ZCWPW2: variants seen among roughly 807,000 people sequenced by gnomAD.
ZCWPW2 encodes the protein zinc finger CW-type PWWP domain protein 2.
ZCWPW2 carries 45 observed loss-of-function variants against 46.6 expected under a neutral mutation model. That is an observed-to-expected ratio of 0.96 (90% CI 0.76 to 1.24). The LOEUF (loss-of-function observed/expected upper bound fraction) is 1.24, where lower values mean the gene tolerates loss of function less well. Among genes scored for constraint, ZCWPW2 ranks in the 50% most tolerant of loss-of-function variants. The pLI, the probability that ZCWPW2 is intolerant of heterozygous loss-of-function variation, is 0.00. For synonymous variants in ZCWPW2, 152 were observed against 137.1 expected, an observed-to-expected ratio of 1.11 and a Z score of -0.76; for missense variants, 429 against 403.9, an observed-to-expected ratio of 1.06 and a Z score of -0.53.
intron 1 of ZCWPW2, among the ~76,000 whole-genome samples, chr3:28,376,883 A>G (rs1385411338): frequency 6.6e-6 from 1 of 152,132 alleles, no homozygotes; most frequent in East Asian, 1.9e-4. Context: ...CTGTAATCTT[A>G]AACAGAACTG....
chr3:28,492,085 A>G (rs765542391), intron 5 of ZCWPW2, 42 bp from the exon 6 acceptor site: 5 of 1,593,696 alleles, frequency 3.1e-6, no homozygotes, highest in South Asian at 2.3e-5. Context: ...GAACAGGAAC[A>G]TAGGCACTTT....
intron 4 of ZCWPW2, among the ~76,000 whole-genome samples, chr3:28,445,562 T>C (rs1390544047): frequency 6.6e-6 from 1 of 151,718 alleles, no homozygotes; most frequent in African/African-American, 2.4e-5. Flanking sequence ...CACAAGGAAA[T>C]GAGAGAGGAA....
At position 28,493,138 on chromosome 3, in the gene ZCWPW2, AT is replaced by A. The variant is rs1173597960; in HGVS notation, c.657+973del. ...GTTTATCTTTATTTTTTTTTATTTT[AT>A]TTTTTTTAATGTTTTTTTTTTTATT... On this transcript the variant is annotated intron_variant, in intron 6 of 9. Coordinates refer to ENST00000383768, the MANE Select transcript of ZCWPW2 (RefSeq NM_001040432.4). Among the ~76,000 whole-genome samples, 117 of 56,636 alleles carry A rather than the reference AT, an allele frequency of 2.1e-3. 1 individual carries two copies. In the Middle Eastern group the frequency reaches 0.038, roughly 18 times the overall value. The allele number at this position is 56,636 out of a possible 152,430, so 37.2% of individuals were successfully genotyped here. A position where few individuals can be genotyped will look rare whatever the true frequency, so the allele number is the denominator to read the frequency against.
chr3:28,488,316 CT>C (rs1204153456), intron 5 of ZCWPW2, among the ~76,000 whole-genome samples: 2 of 152,138 alleles, frequency 1.3e-5, no homozygotes, highest in African/African-American at 4.8e-5. Flanking sequence ...TCAGTTTGCC[CT>C]GTGACCCCAC....
intron 6 of ZCWPW2, among the ~76,000 whole-genome samples, chr3:28,494,957 T>C (rs1322585081): frequency 4.0e-5 from 6 of 151,608 alleles, no homozygotes; most frequent in Non-Finnish European, 8.8e-5. Flanking sequence ...GAACATTCCA[T>C]GCTCATGGGT....
At chr3:28,456,237 T>C (rs1300205093) in intron 4 of ZCWPW2, among the ~76,000 whole-genome samples, 4 of 152,186 alleles carry the variant, frequency 2.6e-5, no homozygotes, top group African/African-American at 9.7e-5. Flanking sequence ...TTTATTCTTT[T>C]TATGGCAATT....
At chr3:28,468,697 C>G (rs1161149120) in intron 4 of ZCWPW2, among the ~76,000 whole-genome samples, 1 of 151,970 alleles carries the variant, frequency 6.6e-6, no homozygotes, top group Admixed American at 6.6e-5. Flanking sequence ...AAACTTTTAC[C>G]CTAGAATAGC....
At position 28,369,454 on chromosome 3, in the gene ZCWPW2, G is replaced by A. The variant is rs190384664; in HGVS notation, c.-134+20251G>A. Among the ~76,000 whole-genome samples the A allele has an allele frequency of 5.5e-3, 844 of 152,284 alleles. 3 individuals are homozygous for A. Among genetic ancestry groups the A allele is most frequent in the Non-Finnish European group, 8.6e-3 (588 of 68,014 alleles). ...CCTTTTTACCTGGGTATCAGCAGCG[G>A]AGGCTGCAGAACAGCAGATATTGGT... is the stretch of plus-strand genomic sequence containing the variant. On this transcript the variant is annotated intron_variant, in intron 1 of 9. Coordinates refer to ENST00000383768, the MANE Select transcript of ZCWPW2 (RefSeq NM_001040432.4).
At chr3:28,520,291 T>A (rs1294839809) in intron 8 of ZCWPW2, among the ~76,000 whole-genome samples, 3 of 152,092 alleles carry the variant, frequency 2.0e-5, no homozygotes, top group African/African-American at 7.2e-5. Context: ...CGTAAGCATG[T>A]CACAGTGACA....
intron 1 of ZCWPW2, among the ~76,000 whole-genome samples, chr3:28,350,186 C>G (rs559104462): frequency 6.6e-6 from 1 of 152,136 alleles, no homozygotes; most frequent in East Asian, 1.9e-4. Context: ...TTAAAACAAC[C>G]ATTAGGTGTA....
At chr3:28,511,602 T>C (rs1700427115) in intron 6 of ZCWPW2, among the ~76,000 whole-genome samples, 1 of 152,166 alleles carries the variant, frequency 6.6e-6, no homozygotes. Context: ...GGTTTAACAA[T>C]GTAAACCTAA....
At chr3:28,456,624 T>C (rs981690849) in intron 4 of ZCWPW2, among the ~76,000 whole-genome samples, 1 of 152,186 alleles carries the variant, frequency 6.6e-6, no homozygotes, top group African/African-American at 2.4e-5. Flanking sequence ...TTATGGCTCT[T>C]ATTATTTTGA....
intron 2 of ZCWPW2, among the ~76,000 whole-genome samples, chr3:28,395,568 A>G (rs987256823): frequency 9.2e-5 from 14 of 152,148 alleles, no homozygotes; most frequent in Admixed American, 2.0e-4. Flanking sequence ...ATGGAATATT[A>G]TTTAGCCTTA....
chr3:28,428,719 C>T (rs560092832), intron 3 of ZCWPW2, among the ~76,000 whole-genome samples: 16 of 152,130 alleles, frequency 1.1e-4, no homozygotes. Context: ...AACATGGGAG[C>T]AATTCCCCCA....
intron 6 of ZCWPW2, among the ~76,000 whole-genome samples, chr3:28,500,278 A>G (rs1244585904): frequency 6.6e-6 from 1 of 152,122 alleles, no homozygotes; most frequent in Non-Finnish European, 1.5e-5. Flanking sequence ...AAATCTATAT[A>G]CTAATTTAGG....
At position 28,495,416 on chromosome 3, in the gene ZCWPW2, C is replaced by T. The variant is rs527697746; in HGVS notation, c.657+3243C>T. Among the ~76,000 whole-genome samples, 207 of 152,166 alleles carry T rather than the reference C, an allele frequency of 1.4e-3. 2 individuals carry two copies. Among genetic ancestry groups the T allele is most frequent in the African/African-American group, 4.0e-3 (165 of 41,532 alleles). ...ATCTTTGCTAAATGATATTTAGAAT[C>T]AAAGACTATAAAGATAGTAACTAGT... On this transcript the variant is annotated intron_variant, in intron 6 of 9. Transcript: ENST00000383768.
chr3:28,496,522 A>G (rs919068039), intron 6 of ZCWPW2, among the ~76,000 whole-genome samples: 1 of 151,992 alleles, frequency 6.6e-6, no homozygotes, highest in Admixed American at 6.6e-5. Flanking sequence ...TTTAATCTTA[A>G]TTAGTTTTTC....
At chr3:28,388,110 T>A (rs530668919) in intron 1 of ZCWPW2, among the ~76,000 whole-genome samples, 4 of 152,270 alleles carry the variant, frequency 2.6e-5, no homozygotes, top group African/African-American at 9.6e-5. Flanking sequence ...TCCTTCTTGC[T>A]TGGGGCAGGT....
intron 4 of ZCWPW2, among the ~76,000 whole-genome samples, chr3:28,475,205 C>A (rs1263747060): frequency 6.6e-5 from 10 of 152,086 alleles, no homozygotes; most frequent in Admixed American, 6.6e-4. Context: ...CAGTAGAGAG[C>A]AAATTCCATC....
Sources: allele counts gnomAD v4.1 joint callset (sites outside exome capture counted in the v4.1 genomes callset), GRCh38; gene constraint gnomAD v4.1.1; transcripts MANE v1.5; gene names NCBI Gene and HGNC (gene_info 2026-07-23, HGNC 2026-07-21).